CSMD1: variants seen among roughly 807,000 people sequenced by gnomAD.
CSMD1 encodes the protein CUB and sushi domain-containing protein 1.
A neutral mutation model predicts 417.5 loss-of-function variants in CSMD1; 213 were observed. The observed-to-expected ratio is 0.51, with a 90% CI of 0.46 to 0.57. The LOEUF (loss-of-function observed/expected upper bound fraction) is 0.57. Among genes scored for constraint, CSMD1 ranks in the 20% least tolerant of loss-of-function variants. The pLI is 0.00. For synonymous variants in CSMD1, 2,862 were observed against 1,736.8 expected, an observed-to-expected ratio of 1.65 and a Z score of -16.11; for missense variants, 6,923 against 4,529.7, an observed-to-expected ratio of 1.53 and a Z score of -15.17.
chr8:4,358,417 A>T (rs1306313290), intron 3 of CSMD1, among the ~76,000 whole-genome samples: 3 of 152,214 alleles, frequency 2.0e-5, no homozygotes, highest in African/African-American at 7.2e-5. Context: ...GTGAAAATAT[A>T]TGAAATTCAA....
chr8:4,027,026 T>A (rs138735768), intron 4 of CSMD1, among the ~76,000 whole-genome samples: 2 of 152,308 alleles, frequency 1.3e-5, no homozygotes, highest in South Asian at 2.1e-4. Flanking sequence ...CCACATGATG[T>A]CAAGGAACAC....
chr8:2,989,964 T>C (rs1180898523), intron 54 of CSMD1, among the ~76,000 whole-genome samples: 1 of 152,182 alleles, frequency 6.6e-6, no homozygotes, highest in African/African-American at 2.4e-5. Context: ...ATATAGTAGG[T>C]GCTCAACAAA....
chr8:3,092,277 T>A (rs1183552322), intron 47 of CSMD1, among the ~76,000 whole-genome samples: 3 of 152,152 alleles, frequency 2.0e-5, no homozygotes, highest in African/African-American at 7.2e-5. Flanking sequence ...GATATACACA[T>A]ATCCACATAG....
chr8:3,807,516 G>C (rs755573796), intron 5 of CSMD1, among the ~76,000 whole-genome samples: 1 of 152,150 alleles, frequency 6.6e-6, no homozygotes, highest in South Asian at 2.1e-4. Flanking sequence ...TACCAGGGCA[G>C]AGCTTCAACA....
intron 5 of CSMD1, among the ~76,000 whole-genome samples, chr8:3,880,298 T>C (rs928066576): frequency 6.6e-6 from 1 of 152,198 alleles, no homozygotes; most frequent in East Asian, 1.9e-4. Context: ...TGATATTAGA[T>C]TACATTTTTC....
intron 1 of CSMD1, among the ~76,000 whole-genome samples, chr8:4,957,887 G>C (rs891810606): frequency 3.3e-5 from 5 of 152,148 alleles, no homozygotes; most frequent in Admixed American, 1.3e-4. Flanking sequence ...TGGAAGTGTG[G>C]ATTGATAAAG....
chr8:4,588,560 C>T (rs1251534050), intron 2 of CSMD1, among the ~76,000 whole-genome samples: 2 of 151,658 alleles, frequency 1.3e-5, no homozygotes, highest in Non-Finnish European at 2.9e-5. Context: ...TTTCGGAGGC[C>T]GAGTCTGGCG....
intron 4 of CSMD1, among the ~76,000 whole-genome samples, chr8:4,021,864 G>A (rs1263971295): frequency 6.6e-6 from 1 of 151,944 alleles, no homozygotes. Flanking sequence ...ATGAAATAGT[G>A]CCATCCCCCT....
intron 5 of CSMD1, among the ~76,000 whole-genome samples, chr8:3,822,904 T>C (rs1442229671): frequency 1.3e-5 from 2 of 152,216 alleles, no homozygotes; most frequent in African/African-American, 2.4e-5. Flanking sequence ...TAACTCACTG[T>C]GCAGAGCTAA....
intron 4 of CSMD1, among the ~76,000 whole-genome samples, chr8:4,014,355 A>C (rs1345218620): frequency 6.6e-6 from 1 of 152,188 alleles, no homozygotes; most frequent in Non-Finnish European, 1.5e-5. Flanking sequence ...TAATCTGTAA[A>C]ATATTGAGAA....
chr8:3,333,686 C>A (rs1397902849), intron 23 of CSMD1, among the ~76,000 whole-genome samples: 2 of 152,076 alleles, frequency 1.3e-5, no homozygotes, highest in East Asian at 1.9e-4. Context: ...ATTTTTATAA[C>A]CCTATTCTAT....
intron 60 of CSMD1, among the ~76,000 whole-genome samples, 162 bp downstream of exon 60, chr8:2,963,060 C>T (rs943596134): frequency 2.6e-5 from 4 of 152,212 alleles, no homozygotes; most frequent in African/African-American, 9.6e-5. Context: ...AAAGGAGACT[C>T]TGCCCTTAGG....
intron 12 of CSMD1, among the ~76,000 whole-genome samples, chr8:3,456,930 C>T (rs981534125): frequency 6.6e-6 from 1 of 152,006 alleles, no homozygotes; most frequent in East Asian, 1.9e-4. Flanking sequence ...CTGGAGCCCT[C>T]CTGCTGCACT....
chr8:3,798,978 G>A (rs1213225728), intron 5 of CSMD1, among the ~76,000 whole-genome samples: 2 of 151,860 alleles, frequency 1.3e-5, no homozygotes, highest in Non-Finnish European at 2.9e-5. Context: ...ATATATGGGT[G>A]AATAATAAAT....
chr8:3,980,932 G>A (rs2554720), intron 5 of CSMD1, among the ~76,000 whole-genome samples: 86,450 of 151,884 alleles, frequency 0.57, 25,069 homozygotes, highest in East Asian at 0.73. Context: ...ACATCCCGCC[G>A]TTCCCAGTGG....
In CSMD1 at chr8:4,451,383, G is replaced by A. The variant is rs114032221; in HGVS notation, c.303-31318C>T. Among the ~76,000 whole-genome samples, 182 of 152,240 alleles carry A rather than the reference G, an allele frequency of 1.2e-3. 1 individual carries two copies. Among genetic ancestry groups the A allele is most frequent in the African/African-American group, 4.2e-3 (176 of 41,540 alleles). ...AAGGCAATCACAAGTGTTTATGGAA[G>A]ATAATTATTGAACATGTGCTATGAT... On this transcript the variant is annotated intron_variant, in intron 2 of 69. Coordinates refer to ENST00000635120, the MANE Select transcript of CSMD1 (RefSeq NM_033225.6).
intron 3 of CSMD1, among the ~76,000 whole-genome samples, chr8:4,229,793 T>TCC (rs757406060): frequency 1.1e-4 from 16 of 152,294 alleles, no homozygotes; most frequent in Non-Finnish European, 1.9e-4. Flanking sequence ...CATCACTCAC[T>TCC]CCTTCCTTTT....
At chr8:4,605,902 C>T (rs765374839) in intron 2 of CSMD1, among the ~76,000 whole-genome samples, 9 of 152,034 alleles carry the variant, frequency 5.9e-5, no homozygotes, top group Non-Finnish European at 8.8e-5. Context: ...GGAATGTTCC[C>T]GAGATCAATG....
At chr8:3,321,647 G>T (rs1269284219) in intron 23 of CSMD1, among the ~76,000 whole-genome samples, 1 of 152,138 alleles carries the variant, frequency 6.6e-6, no homozygotes, top group African/African-American at 2.4e-5. Flanking sequence ...TGAAATGTAT[G>T]CATATTACTA....
Sources: gnomAD v4.1 joint callset for allele counts (sites outside exome capture counted in the v4.1 genomes callset) on GRCh38, gnomAD v4.1.1 for gene constraint, MANE v1.5 for transcripts, NCBI Gene and HGNC (gene_info 2026-07-23, HGNC 2026-07-21) for gene names.